MCC: variants seen among roughly 807,000 people sequenced by gnomAD.
The protein encoded by MCC is MCC regulator of Wnt signaling pathway.
In MCC, 90 loss-of-function variants were observed where a neutral mutation model predicts 116.2. The observed-to-expected ratio is 0.77, with a 90% CI of 0.65 to 0.92. MCC has a LOEUF of 0.92. Ranked by LOEUF, MCC falls within the 40% of genes least tolerant of loss-of-function variation. MCC has a pLI of 0.00. For missense variants in MCC, 1,516 were observed against 1,312.2 expected (o/e 1.16, Z -2.40); for synonymous variants, 578 against 510.5 (o/e 1.13, Z -1.78).
At chr5:113,283,853 C>T (rs1358243542) in intron 3 of MCC, among the ~76,000 whole-genome samples, 1 of 152,188 alleles carries the variant, frequency 6.6e-6, no homozygotes, top group African/African-American at 2.4e-5. Context: ...CATGTGTAAA[C>T]TTAGCTTCTG....
intron 3 of MCC, among the ~76,000 whole-genome samples, chr5:113,180,185 G>A (rs576479115): frequency 5.9e-5 from 9 of 152,028 alleles, no homozygotes; most frequent in East Asian, 1.9e-4. Context: ...ACTACTTATC[G>A]TCACGTGTTT....
intron 3 of MCC, among the ~76,000 whole-genome samples, chr5:113,278,700 A>G (rs1765922374): frequency 6.6e-6 from 1 of 152,170 alleles, no homozygotes; most frequent in South Asian, 2.1e-4. Context: ...TGGCTGGAGG[A>G]TAGAATGTGA....
chr5:113,025,276 C>G lies in MCC; in HGVS notation c.*2026G>C, dbSNP rs1297944472. Reference sequence around the variant, plus strand: ...TTTTTTGGGGCATATGTTTTTCAGCCAAAACATTTTCCTCATGATAAAATG... The same window carrying G: ...TTTTTTGGGGCATATGTTTTTCAGCGAAAACATTTTCCTCATGATAAAATG... On this transcript the variant is annotated 3_prime_UTR_variant, in exon 19 of 19. Transcript: ENST00000408903. The G allele has an allele frequency of 6.6e-6, 1 of 151,326 alleles. No individual in the cohort carries two copies. Among genetic ancestry groups the G allele is most frequent in the Non-Finnish European group, 1.5e-5 (1 of 67,920 alleles). The allele number at this position is 151,326 out of a possible 1,614,324, so 9.4% of individuals were successfully genotyped here.
At chr5:113,337,680 A>G (rs1767901605) in intron 3 of MCC, among the ~76,000 whole-genome samples, 1 of 152,170 alleles carries the variant, frequency 6.6e-6, no homozygotes. Flanking sequence ...TCTGTCTCCT[A>G]ACTAGACACT....
At chr5:113,437,460 A>G (rs749876042) in intron 1 of MCC, among the ~76,000 whole-genome samples, 9 of 152,238 alleles carry the variant, frequency 5.9e-5, no homozygotes, top group African/African-American at 1.2e-4. Flanking sequence ...ACAATGAGGT[A>G]TGAGGTATTC....
At chr5:113,134,050 C>G (rs1758641369) in intron 5 of MCC, among the ~76,000 whole-genome samples, 1 of 152,168 alleles carries the variant, frequency 6.6e-6, no homozygotes, top group Non-Finnish European at 1.5e-5. Context: ...TTCATTATTT[C>G]CATTGCTGTG....
At chr5:113,221,741 C>T (rs1763558622) in intron 3 of MCC, among the ~76,000 whole-genome samples, 1 of 152,220 alleles carries the variant, frequency 6.6e-6, no homozygotes, top group African/African-American at 2.4e-5. Context: ...TCAGCTTCAA[C>T]TCCCTATGAT....
chr5:113,327,561 A>AAAAATATATATAT (rs1480996383), intron 3 of MCC, among the ~76,000 whole-genome samples: 40 of 80,538 alleles, frequency 5.0e-4, no homozygotes, highest in African/African-American at 1.9e-3. Context: ...AAAAAAAAAA[A>AAAAATATATATAT]ATATATATAT....
At chr5:113,363,843 C>A (rs1768610174) in intron 2 of MCC, among the ~76,000 whole-genome samples, 1 of 152,134 alleles carries the variant, frequency 6.6e-6, no homozygotes, top group South Asian at 2.1e-4. Context: ...TGCCTATAAT[C>A]CCGTAGAATC....
chr5:113,084,278 T>C (rs1402807156), intron 9 of MCC, 88 bp from the exon 10 acceptor site: 13 of 1,011,120 alleles, frequency 1.3e-5, no homozygotes, highest in East Asian at 1.2e-4. Flanking sequence ...GGCTACTTTT[T>C]AGCCATGTCA....
chr5:113,240,443 TA>T (rs1764322565), intron 3 of MCC, among the ~76,000 whole-genome samples: 1 of 152,202 alleles, frequency 6.6e-6, no homozygotes, highest in Admixed American at 6.5e-5. Flanking sequence ...AATCTGTTTA[TA>T]AGGCTTTGAA....
intron 8 of MCC, among the ~76,000 whole-genome samples, chr5:113,098,270 T>A (rs1196316912): frequency 6.6e-6 from 1 of 152,182 alleles, no homozygotes; most frequent in Admixed American, 6.5e-5. Context: ...CACACGACTC[T>A]CTGGGGAGCT....
chr5:113,113,515 C>T (rs1757218558), intron 6 of MCC, among the ~76,000 whole-genome samples: 1 of 152,044 alleles, frequency 6.6e-6, no homozygotes, highest in Non-Finnish European at 1.5e-5. Context: ...CTCTGTCTAC[C>T]TAAGACAAGA....
chr5:113,350,064 T>G (rs1291221632), intron 2 of MCC, among the ~76,000 whole-genome samples: 1 of 152,004 alleles, frequency 6.6e-6, no homozygotes, highest in African/African-American at 2.4e-5. Flanking sequence ...AATGGAAAGA[T>G]AATCCATGTT....
intron 1 of MCC, among the ~76,000 whole-genome samples, chr5:113,471,559 T>G (rs376555276): frequency 7.8e-4 from 119 of 152,154 alleles, no homozygotes; most frequent in African/African-American, 2.7e-3. Flanking sequence ...TACCTGGCTG[T>G]GTGAGGTGTC....
intron 1 of MCC, chr5:113,433,567 G>A: frequency 1.2e-6 from 1 of 854,668 alleles, no homozygotes. Context: ...ATCCACCTAG[G>A]GGCCACGGGA....
chr5:113,064,139 A>C lies in MCC; in HGVS notation c.2058T>G (p.Thr686=). ...AGTCATGAGCTCGCTTGAGCATCTGAGTGATGTTTTCATCCCCCGACTGGT... is the reference window on the plus strand; with the variant it reads ...AGTCATGAGCTCGCTTGAGCATCTGCGTGATGTTTTCATCCCCCGACTGGT... The part of the protein sequence containing the change: ...PGDQSGDENI[T]QMLKRAHDCR... Residue 686 remains threonine (T), a synonymous_variant, in exon 14 of 19, where the codon ACT becomes ACG. Coordinates refer to ENST00000408903, the MANE Select transcript of MCC (RefSeq NM_001085377.2). The C allele has an allele frequency of 1.2e-6, 2 of 1,613,360 alleles. No individual in the cohort carries two copies.
chr5:113,189,699 C>G (rs1345084171), intron 3 of MCC, among the ~76,000 whole-genome samples: 1 of 152,136 alleles, frequency 6.6e-6, no homozygotes, highest in African/African-American at 2.4e-5. Context: ...GAGGCTGGCT[C>G]CAAGTGCTCA....
At chr5:113,390,150 G>A (rs1769368135) in intron 1 of MCC, among the ~76,000 whole-genome samples, 1 of 152,040 alleles carries the variant, frequency 6.6e-6, no homozygotes, top group East Asian at 1.9e-4. Context: ...CATATTCATT[G>A]TAGAAAATGT....
Sources: allele counts gnomAD v4.1 joint callset (sites outside exome capture counted in the v4.1 genomes callset), GRCh38; gene constraint gnomAD v4.1.1; transcripts MANE v1.5; gene names NCBI Gene and HGNC (gene_info 2026-07-23, HGNC 2026-07-21).